SDK1: variants seen among roughly 807,000 people sequenced by gnomAD.
SDK1 encodes the protein sidekick cell adhesion molecule 1.
Under a neutral mutation model 245.5 loss-of-function variants are expected in SDK1, and 157 were observed. That is an observed-to-expected ratio of 0.64 (90% confidence interval 0.56 to 0.73). The LOEUF (loss-of-function observed/expected upper bound fraction) is 0.73. Among genes scored for constraint, SDK1 ranks in the 30% least tolerant of loss-of-function variants. The probability of loss-of-function intolerance (pLI) is 0.00; values close to 1 mark genes in which losing one functional copy is unlikely to be tolerated. For synonymous variants in SDK1, 1,647 were observed against 1,278.5 expected (o/e 1.29, Z -6.15); for missense variants, 3,583 against 3,002.3 (o/e 1.19, Z -4.52).
At chr7:3,309,821 ATTTG>A (rs1349185815) in intron 1 of SDK1, among the ~76,000 whole-genome samples, 3 of 152,148 alleles carry the variant, frequency 2.0e-5, no homozygotes, top group African/African-American at 7.2e-5. Context: ...TCTATGTAGA[ATTTG>A]TTTTATTTTT....
At chr7:3,903,151 T>TTTG (rs1200204560) in intron 5 of SDK1, among the ~76,000 whole-genome samples, 3 of 149,640 alleles carry the variant, frequency 2.0e-5, no homozygotes, top group Non-Finnish European at 4.5e-5. Context: ...TTTGTTTTGT[T>TTTG]TTTTTTTTTT....
chr7:3,775,864 C>T (rs1780542899), intron 4 of SDK1, among the ~76,000 whole-genome samples: 1 of 152,336 alleles, frequency 6.6e-6, no homozygotes, highest in East Asian at 1.9e-4. Context: ...GCGTGAGCCA[C>T]CGCGCCCGGC....
chr7:4,258,132 G>A (rs1357006298), intron 44 of SDK1, among the ~76,000 whole-genome samples: 2 of 152,306 alleles, frequency 1.3e-5, no homozygotes, highest in Middle Eastern at 3.4e-3. Flanking sequence ...GAAACATCAG[G>A]ATACATAGCA....
At chr7:3,507,340 C>T (rs1363122334) in intron 1 of SDK1, among the ~76,000 whole-genome samples, 1 of 152,134 alleles carries the variant, frequency 6.6e-6, no homozygotes. Flanking sequence ...TGTAGAACTC[C>T]TTCTGTTTTT....
At chr7:3,543,073 C>A (rs1038073364) in intron 1 of SDK1, among the ~76,000 whole-genome samples, 11 of 152,178 alleles carry the variant, frequency 7.2e-5, no homozygotes, top group Admixed American at 6.5e-4. Flanking sequence ...AGGCATAATT[C>A]CTATTTGTAT....
intron 4 of SDK1, among the ~76,000 whole-genome samples, chr7:3,663,699 C>A (rs543248584): frequency 6.6e-6 from 1 of 152,266 alleles, no homozygotes; most frequent in South Asian, 2.1e-4. Context: ...GCTGGCCACC[C>A]TACTTGTTTA....
In SDK1 at chr7:3,600,799, C is replaced by T. The variant is rs1053756188; in HGVS notation, c.299-18281C>T. Among the ~76,000 whole-genome samples the T allele has an allele frequency of 7.9e-5, 12 of 152,160 alleles. No homozygotes were observed. The South Asian group carries it at 1.2e-3, about 16-fold the overall frequency. Reference sequence around the variant, plus strand: ...TCCTGACCTCATGATCCGGCCATCTCGGCCTCCCAAAGTGCTGGAATTACA... The same window carrying T: ...TCCTGACCTCATGATCCGGCCATCTTGGCCTCCCAAAGTGCTGGAATTACA... On this transcript the variant is annotated intron_variant, in intron 1 of 44. Transcript: ENST00000404826.
intron 1 of SDK1, among the ~76,000 whole-genome samples, chr7:3,589,878 C>T (rs772838162): frequency 6.6e-6 from 1 of 152,102 alleles, no homozygotes; most frequent in African/African-American, 2.4e-5. Context: ...AATACCCAGA[C>T]TGTGAGGAAT....
chr7:3,619,320 A>G (rs550368517), intron 2 of SDK1, 81 bp downstream of exon 2: 6 of 1,156,630 alleles, frequency 5.2e-6, no homozygotes, highest in African/African-American at 4.6e-5. Flanking sequence ...TAATAGCACA[A>G]TGAGTGAAAA....
intron 1 of SDK1, among the ~76,000 whole-genome samples, chr7:3,386,918 G>A (rs1367110007): frequency 2.0e-5 from 3 of 152,150 alleles, no homozygotes; most frequent in Non-Finnish European, 4.4e-5. Flanking sequence ...ATGCTGCAGA[G>A]GAATAAAGAG....
intron 1 of SDK1, among the ~76,000 whole-genome samples, chr7:3,451,105 G>A (rs1382460732): frequency 6.6e-6 from 1 of 152,130 alleles, no homozygotes; most frequent in African/African-American, 2.4e-5. Flanking sequence ...TGGCTGCTAA[G>A]TGGATGATAC....
chr7:3,545,386 C>CT (rs1779188103), intron 1 of SDK1, among the ~76,000 whole-genome samples: 1 of 152,188 alleles, frequency 6.6e-6, no homozygotes, highest in Admixed American at 6.5e-5. Flanking sequence ...AAATGTTCAT[C>CT]TTTCATGTTG....
intron 40 of SDK1, among the ~76,000 whole-genome samples, chr7:4,232,010 A>G (rs1008417819): frequency 6.7e-6 from 1 of 149,718 alleles, no homozygotes. Context: ...AAGGATTGCT[A>G]CTTCAAATGA....
At chr7:4,103,007 CTT>C (rs1202665145) in intron 22 of SDK1, among the ~76,000 whole-genome samples, 1 of 135,194 alleles carries the variant, frequency 7.4e-6, no homozygotes, top group African/African-American at 2.6e-5. Flanking sequence ...CCCCACAGAG[CTT>C]TTTTTTTTGG....
intron 5 of SDK1, among the ~76,000 whole-genome samples, chr7:3,921,047 CAG>C (rs1461326781): frequency 6.6e-6 from 1 of 152,064 alleles, no homozygotes; most frequent in East Asian, 1.9e-4. Context: ...TATGGGAACA[CAG>C]AGCTCATTTT....
At chr7:4,019,163 C>T (rs1786666240) in intron 17 of SDK1, among the ~76,000 whole-genome samples, 1 of 152,134 alleles carries the variant, frequency 6.6e-6, no homozygotes, top group Non-Finnish European at 1.5e-5. Flanking sequence ...GGAACAGAGC[C>T]CAGACCCTTC....
At chr7:3,734,336 A>G (rs1583354714) in intron 4 of SDK1, among the ~76,000 whole-genome samples, 1 of 152,244 alleles carries the variant, frequency 6.6e-6, no homozygotes, top group East Asian at 1.9e-4. Flanking sequence ...CCACATGGAC[A>G]TACCTAGATC....
intron 1 of SDK1, among the ~76,000 whole-genome samples, chr7:3,563,112 A>G (rs745691963): frequency 3.8e-4 from 58 of 152,206 alleles, no homozygotes; most frequent in Non-Finnish European, 6.6e-4. Flanking sequence ...CTGGGGAGAC[A>G]TTGTGAAAAT....
intron 4 of SDK1, among the ~76,000 whole-genome samples, chr7:3,796,336 G>T (rs1464316355): frequency 6.6e-6 from 1 of 152,222 alleles, no homozygotes; most frequent in Non-Finnish European, 1.5e-5. Flanking sequence ...GGTTTCTTTG[G>T]CTGTGAAAAA....
Sources: allele counts gnomAD v4.1 joint callset (sites outside exome capture counted in the v4.1 genomes callset), GRCh38; gene constraint gnomAD v4.1.1; transcripts MANE v1.5; gene names NCBI Gene and HGNC (gene_info 2026-07-23, HGNC 2026-07-21).